CCDC38: variants seen among roughly 807,000 people sequenced by gnomAD.
CCDC38 encodes coiled-coil domain-containing protein 38.
Under a neutral mutation model 72.8 loss-of-function variants are expected in CCDC38, and 69 were observed. The observed-to-expected ratio is 0.95, with a 90% CI of 0.78 to 1.16. The LOEUF (loss-of-function observed/expected upper bound fraction) is 1.16, where lower values mean the gene tolerates loss of function less well. Ranked by LOEUF, CCDC38 falls within the 50% of genes most tolerant of loss-of-function variation. The pLI, the probability that CCDC38 is intolerant of heterozygous loss-of-function variation, is 0.00. For synonymous variants in CCDC38, 201 were observed against 213.2 expected, an observed-to-expected ratio of 0.94 and a Z score of 0.50; for missense variants, 626 against 638.9, an observed-to-expected ratio of 0.98 and a Z score of 0.22.
chr12:95,907,276 C>T (rs867338773), intron 4 of CCDC38, among the ~76,000 whole-genome samples: 6,875 of 144,762 alleles, frequency 0.047, 235 homozygotes, highest in Non-Finnish European at 0.071. Flanking sequence ...CCCCACCTTT[C>T]CCCCCTTTCT....
chr12:95,916,060 A>G (rs2080140344), intron 4 of CCDC38, among the ~76,000 whole-genome samples: 2 of 152,312 alleles, frequency 1.3e-5, no homozygotes, highest in East Asian at 3.9e-4. Context: ...TGTAATTGTA[A>G]ATGCTCTTGA....
chr12:95,943,231 C>G (rs1385255121), upstream of CCDC38: 2 of 667,226 alleles, frequency 3.0e-6, no homozygotes, highest in East Asian at 3.5e-5. Context: ...ATTACCGCCC[C>G]CGTTGCTGTG....
rs1205950957 is a variant in CCDC38 at position 95,919,498 on chromosome 12, A to G, written c.38-522T>C. 1.8e-5 allele frequency: 8 copies of G among 455,858 alleles called. No individual in the cohort carries two copies. In the Admixed American group the frequency reaches 1.9e-4, roughly 11 times the overall value. 28.2% of individuals were successfully genotyped at this position (455,858 alleles called of 1,614,324 possible). The stretch of plus-strand genomic sequence containing the variant: ...TCAAATATAGAAGTATGGAGTATGG[A>G]GTCCTTCTCAGGCCATGTTTAGTTT... On this transcript the variant is annotated intron_variant, in intron 2 of 15. Transcript: ENST00000344280.
chr12:95,888,530 C>G (rs957390987), intron 9 of CCDC38, 24 bp from the exon 10 acceptor site: 2 of 1,612,584 alleles, frequency 1.2e-6, no homozygotes, highest in East Asian at 4.5e-5. Context: ...CCAGGTGAGG[C>G]CATGCCGTTG....
At chr12:95,896,065 A>G (rs2079885364) in intron 7 of CCDC38, among the ~76,000 whole-genome samples, 1 of 148,728 alleles carries the variant, frequency 6.7e-6, no homozygotes, top group Non-Finnish European at 1.5e-5. Flanking sequence ...CAAAAAAAAA[A>G]AAAAAAAAAA....
In CCDC38 at chr12:95,888,497, C is replaced by A. The variant is rs757322763; in HGVS notation, c.881G>T (p.Ser294Ile). 6.2e-7 allele frequency: 1 copy of A among 1,614,084 alleles called. No individual in the cohort carries two copies. The highest frequency in any genetic ancestry group is 8.5e-7 in the Non-Finnish European group (1 of 1,180,004). The change falls in exon 10 of 16, where the codon AGC (serine) becomes ATC (isoleucine). Residue 294 changes from serine to isoleucine, a missense_variant. Transcript: ENST00000344280. ...SQGRDSQGKP[S>I]RSLTRTPEKK... is the part of the protein sequence containing the mutation. Reference sequence around the variant, plus strand: ...CTCTGGAGTGCGAGTCAGGCTTCTGCTTGGCTTTCCTGTTCAAAATGTCCA... The same window carrying A: ...CTCTGGAGTGCGAGTCAGGCTTCTGATTGGCTTTCCTGTTCAAAATGTCCA...
At chr12:95,927,391 G>A (rs2080283758) in intron 2 of CCDC38, among the ~76,000 whole-genome samples, 1 of 149,332 alleles carries the variant, frequency 6.7e-6, no homozygotes, top group Non-Finnish European at 1.5e-5. Flanking sequence ...CATTTGCTTG[G>A]TAGATCTTCC....
intron 4 of CCDC38, among the ~76,000 whole-genome samples, chr12:95,914,734 C>G (rs2080127529): frequency 6.6e-6 from 1 of 151,910 alleles, no homozygotes; most frequent in African/African-American, 2.4e-5. Context: ...GGTAAGGATC[C>G]TAAAGTCTCT....
intron 10 of CCDC38, among the ~76,000 whole-genome samples, chr12:95,887,965 C>G (rs571953200): frequency 2.3e-4 from 35 of 152,302 alleles, no homozygotes; most frequent in Non-Finnish European, 3.5e-4. Context: ...ATCCCTTCCT[C>G]TGGGCTGGTG....
chr12:95,873,994 T>A (rs879180908), intron 13 of CCDC38, among the ~76,000 whole-genome samples: 3 of 152,202 alleles, frequency 2.0e-5, no homozygotes, highest in African/African-American at 7.2e-5. Context: ...AAATACATAA[T>A]AATATAAAAG....
At chr12:95,907,120 CAG>C (rs2080013445) in intron 4 of CCDC38, among the ~76,000 whole-genome samples, 1 of 149,810 alleles carries the variant, frequency 6.7e-6, no homozygotes, top group Non-Finnish European at 1.5e-5. Flanking sequence ...GCACATGTTT[CAG>C]AGAGCACAGG....
At chr12:95,942,209 T>A (rs920631093) in intron 1 of CCDC38, among the ~76,000 whole-genome samples, 3 of 152,182 alleles carry the variant, frequency 2.0e-5, no homozygotes, top group Admixed American at 1.3e-4. Flanking sequence ...TAAACATGAA[T>A]AAACGAAATC....
intron 2 of CCDC38, among the ~76,000 whole-genome samples, chr12:95,928,957 A>T (rs959504154): frequency 6.6e-6 from 1 of 152,124 alleles, no homozygotes; most frequent in Non-Finnish European, 1.5e-5. Flanking sequence ...TCAGACAGGG[A>T]CATTTAAGTC....
chr12:95,930,405 T>C (rs551620217), intron 2 of CCDC38, among the ~76,000 whole-genome samples: 8 of 152,262 alleles, frequency 5.3e-5, no homozygotes, highest in South Asian at 4.1e-4. Context: ...GACTTTAACC[T>C]AGCTTCTGGT....
chr12:95,894,751 T>C (rs1255925583), intron 8 of CCDC38, among the ~76,000 whole-genome samples: 2 of 152,168 alleles, frequency 1.3e-5, no homozygotes, highest in African/African-American at 4.8e-5. Context: ...AATAAACCTC[T>C]TTTCTTTATA....
intron 5 of CCDC38, among the ~76,000 whole-genome samples, chr12:95,901,850 GAGA>G (rs1298569285): frequency 1.3e-5 from 2 of 152,202 alleles, no homozygotes; most frequent in Non-Finnish European, 2.9e-5. Flanking sequence ...AGAATAGGGA[GAGA>G]AGAAGTGGAG....
chr12:95,914,943 G>T (rs996986339), intron 4 of CCDC38, among the ~76,000 whole-genome samples: 4 of 151,990 alleles, frequency 2.6e-5, no homozygotes, highest in Admixed American at 2.6e-4. Flanking sequence ...ATTAGATTCA[G>T]GTTCAATTTA....
chr12:95,916,375 G>GCCTTCCTTCCTTCCTTCCTT (rs1432630349), intron 4 of CCDC38, among the ~76,000 whole-genome samples: 1 of 111,990 alleles, frequency 8.9e-6, no homozygotes, highest in African/African-American at 3.4e-5. Context: ...TAAGTTGCCT[G>GCCTTCCTTCCTTCCTTCCTT]CCTGCCTTCC....
chr12:95,897,500 C>A (rs755139520), intron 7 of CCDC38, among the ~76,000 whole-genome samples: 7 of 150,568 alleles, frequency 4.6e-5, no homozygotes, highest in Non-Finnish European at 1.0e-4. Context: ...ATCCCAGCTA[C>A]TCAAGTGGCT....
Sources: allele counts gnomAD v4.1 joint callset (sites outside exome capture counted in the v4.1 genomes callset), GRCh38; gene constraint gnomAD v4.1.1; transcripts MANE v1.5; gene names NCBI Gene and HGNC (gene_info 2026-07-23, HGNC 2026-07-21).